CCDC77: variants seen among roughly 807,000 people sequenced by gnomAD.
The protein encoded by CCDC77 is coiled-coil domain-containing protein 77.
Under a neutral mutation model 66.8 loss-of-function variants are expected in CCDC77, and 56 were observed. That is an observed-to-expected ratio of 0.84 (90% CI 0.68 to 1.05). The LOEUF (loss-of-function observed/expected upper bound fraction) is 1.05. Ranked by LOEUF, CCDC77 falls within the 50% of genes least tolerant of loss-of-function variation. The probability of loss-of-function intolerance (pLI) is 0.00; values close to 1 mark genes in which losing one functional copy is unlikely to be tolerated. For missense variants in CCDC77, 570 were observed against 576.8 expected (o/e 0.99, Z 0.12); for synonymous variants, 196 against 195.2 (o/e 1.00, Z -0.03).
chr12:410,340 T>C (rs1049520401), intron 3 of CCDC77, among the ~76,000 whole-genome samples: 1 of 152,004 alleles, frequency 6.6e-6, no homozygotes, highest in Admixed American at 6.6e-5. Context: ...TGATCTTGGC[T>C]CACCGCAACG....
intron 5 of CCDC77, among the ~76,000 whole-genome samples, chr12:424,878 C>T (rs1945498445): frequency 6.7e-6 from 1 of 150,246 alleles, no homozygotes; most frequent in Non-Finnish European, 1.5e-5. Context: ...CCAGTTTTCT[C>T]AACATCATTT....
chr12:422,349 C>T (rs1401819973), intron 5 of CCDC77, among the ~76,000 whole-genome samples: 1 of 152,230 alleles, frequency 6.6e-6, no homozygotes, highest in Non-Finnish European at 1.5e-5. Flanking sequence ...CACGTTGTTG[C>T]ACAACTGTCA....
At chr12:414,832 A>C (rs1332996566) in intron 4 of CCDC77, among the ~76,000 whole-genome samples, 3 of 152,144 alleles carry the variant, frequency 2.0e-5, no homozygotes, top group African/African-American at 7.2e-5. Flanking sequence ...CACGATGCTC[A>C]CACAGACCCT....
At position 415,331 on chromosome 12, in the gene CCDC77, ATAT is replaced by A. The variant is rs1466980482; in HGVS notation, c.271-3159_271-3157del. ...ATATTATGTTAATATAATCAACATA[ATAT>A]TATGTTAATATAATCAACATAATAT... is the stretch of plus-strand genomic sequence containing the variant. On this transcript the variant is annotated intron_variant, in intron 4 of 12. Transcript: ENST00000239830. Among the ~76,000 whole-genome samples the A allele has an allele frequency of 1.4e-3, 125 of 89,606 alleles. 12 individuals carry two copies. The highest frequency in any genetic ancestry group is 1.8e-3 in the Admixed American group (12 of 6,692). The allele number at this position is 89,606 out of a possible 152,430, so 58.8% of individuals were successfully genotyped here. A position where few individuals can be genotyped will look rare whatever the true frequency, so the allele number is the denominator to read the frequency against.
intron 5 of CCDC77, among the ~76,000 whole-genome samples, chr12:422,342 G>A (rs1014622059): frequency 2.0e-5 from 3 of 152,192 alleles, no homozygotes; most frequent in African/African-American, 4.8e-5. Flanking sequence ...GTATATTCAC[G>A]TTGTTGCACA....
At chr12:401,011 G>A (rs572581009), upstream of CCDC77, among the ~76,000 whole-genome samples, 1 of 152,280 alleles carries the variant, frequency 6.6e-6, no homozygotes, top group South Asian at 2.1e-4. Context: ...CTGTAATTCT[G>A]AGACGAAAGT....
Position 416,367 on chromosome 12 carries a change from GTGTGTGTGTGTATATATA to G in CCDC77, c.271-2125_271-2108del, listed in dbSNP as rs1182792907. Among the ~76,000 whole-genome samples, 82 of 30,218 alleles carry G rather than the reference GTGTGTGTGTGTATATATA, an allele frequency of 2.7e-3. 3 individuals are homozygous for G. The highest frequency in any genetic ancestry group is 4.8e-3 in the African/African-American group (48 of 9,994). 19.8% of individuals were successfully genotyped at this position (30,218 alleles called of 152,430 possible). The stretch of plus-strand genomic sequence containing the variant: ...GGGGTGTGTGTGTGTGTGTGTGTGT[GTGTGTGTGTGTATATATA>G]TATATATATATATATATATATATAT... On this transcript the variant is annotated intron_variant, in intron 4 of 12. Coordinates refer to ENST00000239830, the MANE Select transcript of CCDC77 (RefSeq NM_032358.4).
At chr12:436,792 A>G in intron 9 of CCDC77, 1 of 982,716 alleles carries the variant, frequency 1.0e-6, no homozygotes, top group Non-Finnish European at 1.2e-6. Flanking sequence ...CTTCCTAAGA[A>G]GGGCATGAAA....
intron 5 of CCDC77, among the ~76,000 whole-genome samples, chr12:427,050 G>A (rs543409195): frequency 1.3e-5 from 2 of 152,082 alleles, no homozygotes; most frequent in Non-Finnish European, 1.5e-5. Flanking sequence ...TTCAAGACCA[G>A]CCTGGCCAAC....
chr12:439,919 T>G (rs1322132090), intron 10 of CCDC77, among the ~76,000 whole-genome samples: 1 of 152,238 alleles, frequency 6.6e-6, no homozygotes, highest in Non-Finnish European at 1.5e-5. Flanking sequence ...TTATATCTAG[T>G]GTTTCTGCTG....
intron 5 of CCDC77, among the ~76,000 whole-genome samples, chr12:423,728 C>T (rs1208021360): frequency 1.3e-5 from 2 of 151,956 alleles, no homozygotes; most frequent in African/African-American, 4.8e-5. Flanking sequence ...CACTCCTGGG[C>T]TCAAGCGATT....
intron 2 of CCDC77, among the ~76,000 whole-genome samples, chr12:406,448 G>A (rs763805016): frequency 3.3e-5 from 5 of 152,184 alleles, no homozygotes; most frequent in Non-Finnish European, 5.9e-5. Context: ...TGTTTTTACC[G>A]CAGTGAACAA....
upstream of CCDC77, among the ~76,000 whole-genome samples, chr12:401,392 T>A (rs1299060842): frequency 2.0e-5 from 3 of 152,228 alleles, no homozygotes; most frequent in African/African-American, 7.2e-5. Context: ...AACGTCACAC[T>A]ACCCGTCCCT....
At chr12:407,952 T>A (rs1045618600) in intron 2 of CCDC77, among the ~76,000 whole-genome samples, 3 of 152,034 alleles carry the variant, frequency 2.0e-5, no homozygotes, top group African/African-American at 7.2e-5. Context: ...GACACCCGGC[T>A]AATTTTTTGC....
At chr12:404,172 T>C (rs921037628) in intron 1 of CCDC77, among the ~76,000 whole-genome samples, 6 of 151,998 alleles carry the variant, frequency 3.9e-5, no homozygotes, top group African/African-American at 1.4e-4. Context: ...CAAAAAAAAT[T>C]AGCCACAGTG....
chr12:426,375 A>G (rs537323927), intron 5 of CCDC77, among the ~76,000 whole-genome samples: 2 of 152,302 alleles, frequency 1.3e-5, no homozygotes, highest in South Asian at 2.1e-4. Context: ...ATCTGGCACA[A>G]TGACTGAAAT....
intron 5 of CCDC77, among the ~76,000 whole-genome samples, chr12:425,277 A>G (rs1391470342): frequency 7.4e-6 from 1 of 135,300 alleles, no homozygotes; most frequent in Non-Finnish European, 1.5e-5. Flanking sequence ...CTCCGTTTTT[A>G]GCAGGATCTA....
intron 10 of CCDC77, among the ~76,000 whole-genome samples, chr12:439,349 G>A (rs1480293712): frequency 1.3e-5 from 2 of 151,782 alleles, no homozygotes; most frequent in Non-Finnish European, 2.9e-5. Context: ...GTGAAACCCC[G>A]TCTCTACTGA....
intron 8 of CCDC77, among the ~76,000 whole-genome samples, chr12:432,306 T>C (rs1003851297): frequency 2.0e-5 from 3 of 152,214 alleles, no homozygotes; most frequent in Non-Finnish European, 1.5e-5. Context: ...TATTCATTTA[T>C]TTAGTGCTTA....
Sources: gnomAD v4.1 joint callset for allele counts (sites outside exome capture counted in the v4.1 genomes callset) on GRCh38, gnomAD v4.1.1 for gene constraint, MANE v1.5 for transcripts, NCBI Gene and HGNC (gene_info 2026-07-23, HGNC 2026-07-21) for gene names.